RANBP10: variants seen among roughly 807,000 people sequenced by gnomAD.
RANBP10 encodes RAN binding protein 10.
In RANBP10, 24 loss-of-function variants were observed where a neutral mutation model predicts 72.8. That is an observed-to-expected ratio of 0.33 (90% CI 0.24 to 0.46). The LOEUF (loss-of-function observed/expected upper bound fraction) is 0.46. Among genes scored for constraint, RANBP10 ranks in the 20% least tolerant of loss-of-function variants. The pLI, the probability that RANBP10 is intolerant of heterozygous loss-of-function variation, is 1.00. For missense variants in RANBP10, 679 were observed against 817.5 expected (o/e 0.83, Z 2.07); for synonymous variants, 310 against 322.3 (o/e 0.96, Z 0.41).
At chr16:67,775,677 C>T (rs2054690889) in intron 2 of RANBP10, among the ~76,000 whole-genome samples, 1 of 151,330 alleles carries the variant, frequency 6.6e-6, no homozygotes, top group Non-Finnish European at 1.5e-5. Context: ...TGGTGAAGTG[C>T]ACCTGTAATT....
intron 3 of RANBP10, among the ~76,000 whole-genome samples, chr16:67,752,864 G>A (rs567784814): frequency 8.5e-5 from 13 of 152,192 alleles, no homozygotes; most frequent in Admixed American, 7.2e-4. Flanking sequence ...AGTAGGAAGT[G>A]TGAAAGGAAT....
intron 3 of RANBP10, among the ~76,000 whole-genome samples, chr16:67,769,052 CTCT>C (rs1486514004): frequency 6.6e-6 from 1 of 152,138 alleles, no homozygotes; most frequent in African/African-American, 2.4e-5. Flanking sequence ...TGTTTGTTTT[CTCT>C]TTTTTTTGCA....
chr16:67,731,339 C>T (rs2053726511), intron 7 of RANBP10, 133 bp downstream of exon 7: 1 of 689,328 alleles, frequency 1.5e-6, no homozygotes, highest in South Asian at 1.7e-5. Context: ...AGGAACATGG[C>T]CTCGAGCTGC....
At chr16:67,799,308 G>A (rs1315958586) in intron 2 of RANBP10, among the ~76,000 whole-genome samples, 1 of 125,876 alleles carries the variant, frequency 7.9e-6, no homozygotes. Context: ...TTTTTTTTGA[G>A]ACAGAGTCTC....
chr16:67,769,039 A>T (rs1188456327), intron 3 of RANBP10, among the ~76,000 whole-genome samples: 1 of 152,168 alleles, frequency 6.6e-6, no homozygotes, highest in Non-Finnish European at 1.5e-5. Flanking sequence ...GTAAATACAG[A>T]TATGTTTGTT....
rs530553124 is a variant in RANBP10, at chr16:67,793,004, T to A, written c.347+12424A>T. ...CCTTGGTTCTGAGCTCCTTCTCTAATGTACTAACAGAGTCTCAAGTACCAA... is the reference window on the plus strand; with the variant it reads ...CCTTGGTTCTGAGCTCCTTCTCTAAAGTACTAACAGAGTCTCAAGTACCAA... On this transcript the variant is annotated intron_variant, in intron 2 of 13. Transcript: ENST00000317506. 3.3e-5 allele frequency among the ~76,000 whole-genome samples: 5 copies of A among 152,148 alleles called. No homozygotes were observed. In the South Asian group the frequency reaches 1.0e-3, roughly 32 times the overall value.
At chr16:67,802,942 G>A (rs1236412989) in intron 2 of RANBP10, among the ~76,000 whole-genome samples, 2 of 152,136 alleles carry the variant, frequency 1.3e-5, no homozygotes, top group Admixed American at 1.3e-4. Context: ...TCTCTACCTA[G>A]ATAACTAACT....
At chr16:67,804,170 A>G (rs2055288848) in intron 2 of RANBP10, among the ~76,000 whole-genome samples, 1 of 152,152 alleles carries the variant, frequency 6.6e-6, no homozygotes, top group Non-Finnish European at 1.5e-5. Flanking sequence ...CAGCGTTGGC[A>G]TGGTCACCAG....
intron 2 of RANBP10, among the ~76,000 whole-genome samples, chr16:67,804,457 A>G (rs1035139063): frequency 1.3e-5 from 2 of 151,784 alleles, no homozygotes; most frequent in East Asian, 3.9e-4. Flanking sequence ...GCTAGAGTGC[A>G]GTGGTGCAAT....
chr16:67,805,503 C>T lies in RANBP10; in HGVS notation c.272G>A (p.Arg91His), dbSNP rs751353163. The change falls in exon 2 of 14, where the codon CGT becomes CAT. Residue 91 changes from arginine to histidine, a missense_variant. Arg to His is a conservative substitution (Grantham distance 29, BLOSUM62 0). Transcript: ENST00000317506. ...GGCAGCAGGTATGGGGTGGGTGGCA[C>T]GCACTGAGGCCGCATCTTTGTGATT... ...GKNHKDAASV[R>H]ATHPIPAACG... 7 of 1,614,000 alleles carry T rather than the reference C, an allele frequency of 4.3e-6. No homozygotes were observed. Among genetic ancestry groups the T allele is most frequent in the Non-Finnish European group, 5.9e-6 (7 of 1,180,028 alleles).
At chr16:67,737,404 C>A (rs1185209873) in intron 5 of RANBP10, among the ~76,000 whole-genome samples, 1 of 151,714 alleles carries the variant, frequency 6.6e-6, no homozygotes, top group East Asian at 1.9e-4. Context: ...GGGTTTCACC[C>A]TGTTAGCCAG....
chr16:67,781,021 C>A (rs1350479167), intron 2 of RANBP10, among the ~76,000 whole-genome samples: 1 of 152,272 alleles, frequency 6.6e-6, no homozygotes, highest in Non-Finnish European at 1.5e-5. Context: ...CACATGCCCA[C>A]TGGCATGTCC....
Position 67,729,467 on chromosome 16 carries a change from A to G in RANBP10, c.1165T>C (p.Cys389Arg). The G allele has an allele frequency of 6.2e-7, 1 of 1,612,808 alleles. No individual in the cohort carries two copies. Among genetic ancestry groups the G allele is most frequent in the East Asian group, 2.2e-5 (1 of 44,864 alleles). Residue 389 changes from cysteine to arginine, a missense_variant, in exon 10 of 14, where the codon TGT becomes CGT. Cys to Arg is a radical substitution (Grantham distance 180, BLOSUM62 -3). Transcript: ENST00000317506. This position sits in a 1 kb window ranked among gnomAD's most constrained non-coding sequence, Gnocchi z 7.1. ...MHNTGADSPSCSNGVASTKSK... is the reference protein window; with the variant it reads ...MHNTGADSPSRSNGVASTKSK... ...TTGGTGGACGCGACGCCATTGCTAC[A>G]GCTGGGACTGTCTGCTCCTAGAAGC...
At chr16:67,789,236 G>A (rs948295354) in intron 2 of RANBP10, among the ~76,000 whole-genome samples, 2 of 147,498 alleles carry the variant, frequency 1.4e-5, no homozygotes, top group Non-Finnish European at 3.0e-5. Context: ...CTTGAACCTG[G>A]GAGGTAGAGG....
intron 3 of RANBP10, among the ~76,000 whole-genome samples, chr16:67,757,063 C>A (rs901214804): frequency 1.3e-5 from 2 of 152,078 alleles, no homozygotes; most frequent in African/African-American, 4.8e-5. Flanking sequence ...TAAAAATTGG[C>A]CGGGCGTGGT....
chr16:67,772,715 T>C (rs2054630933), intron 2 of RANBP10, among the ~76,000 whole-genome samples: 1 of 152,148 alleles, frequency 6.6e-6, no homozygotes, highest in African/African-American at 2.4e-5. Flanking sequence ...GTGGGGCTTA[T>C]TCTCTTTGAA....
intron 12 of RANBP10, 117 bp downstream of exon 12, chr16:67,727,634 C>T (rs1597816516): frequency 6.6e-7 from 1 of 1,512,308 alleles, no homozygotes; most frequent in Non-Finnish European, 9.0e-7. Flanking sequence ...CCCCACTTCC[C>T]TCTGCAGACC....
intron 2 of RANBP10, among the ~76,000 whole-genome samples, chr16:67,795,385 C>A (rs1373900971): frequency 6.7e-6 from 1 of 149,092 alleles, no homozygotes; most frequent in Non-Finnish European, 1.5e-5. Flanking sequence ...ACTAAAAATA[C>A]AAAATTAGCC....
intron 5 of RANBP10, among the ~76,000 whole-genome samples, chr16:67,736,704 T>C (rs2053855198): frequency 6.6e-6 from 1 of 152,244 alleles, no homozygotes; most frequent in Non-Finnish European, 1.5e-5. Flanking sequence ...TCATTTCATG[T>C]CACGTCCCCA....
Sources: allele counts gnomAD v4.1 joint callset (sites outside exome capture counted in the v4.1 genomes callset), GRCh38; gene constraint gnomAD v4.1.1; non-coding constraint Gnocchi (gnomAD v3.1); transcripts MANE v1.5; gene names NCBI Gene and HGNC (gene_info 2026-07-23, HGNC 2026-07-21).